RAB3C: variants seen among roughly 807,000 people sequenced by gnomAD.
RAB3C encodes the protein ras-related protein Rab-3C.
Under a neutral mutation model 26.4 loss-of-function variants are expected in RAB3C, and 17 were observed. That is an observed-to-expected ratio of 0.64 (90% confidence interval 0.44 to 0.97). RAB3C has a LOEUF of 0.97. RAB3C is among the 50% of genes least tolerant of loss of function. RAB3C has a pLI of 0.00. For missense variants in RAB3C, 242 were observed against 281.9 expected, an observed-to-expected ratio of 0.86 and a Z score of 1.01; for synonymous variants, 91 against 95.9, an observed-to-expected ratio of 0.95 and a Z score of 0.30.
chr5:58,587,167 A>G (rs7723416), intron 1 of RAB3C, among the ~76,000 whole-genome samples: 76,160 of 151,946 alleles, frequency 0.5, 19,499 homozygotes, highest in African/African-American at 0.54. Flanking sequence ...TCACTTTTGT[A>G]GTATAAGAAT....
chr5:58,639,023 G>T (rs1297832412), intron 2 of RAB3C, among the ~76,000 whole-genome samples: 1 of 152,094 alleles, frequency 6.6e-6, no homozygotes, highest in East Asian at 1.9e-4. Context: ...GTGTGGCCTG[G>T]AAGTGCAGTG....
chr5:58,594,851 CT>C (rs368470766), intron 1 of RAB3C, among the ~76,000 whole-genome samples: 1,974 of 133,148 alleles, frequency 0.015, 23 homozygotes, highest in South Asian at 0.038. Context: ...AACATGTAGG[CT>C]TTTTTTTTTT....
intron 3 of RAB3C, among the ~76,000 whole-genome samples, chr5:58,796,079 C>T (rs868333517): frequency 1.3e-5 from 2 of 152,162 alleles, no homozygotes; most frequent in African/African-American, 2.4e-5. Flanking sequence ...AACAGATGAC[C>T]TTTCCCTGTG....
In RAB3C at chr5:58,612,514, G is replaced by GTA. The variant is rs1467524083; in HGVS notation, c.25-5128_25-5127insAT. Among the ~76,000 whole-genome samples the GTA allele has an allele frequency of 6.5e-3, 352 of 54,094 alleles. 3 individuals carry two copies. Among genetic ancestry groups the GTA allele is most frequent in the African/African-American group, 0.028 (329 of 11,768 alleles). The allele number at this position is 54,094 out of a possible 152,430, so 35.5% of individuals were successfully genotyped here. On this transcript the variant is annotated intron_variant, in intron 1 of 4. Coordinates refer to ENST00000282878, the MANE Select transcript of RAB3C (RefSeq NM_138453.4). ...TGTGTGTGTGTGTGTGTGTGTGTGT[G>GTA]TGTGTGTATATATATATATATATAT...
At chr5:58,827,758 G>A (rs965069864) in intron 4 of RAB3C, among the ~76,000 whole-genome samples, 3 of 152,162 alleles carry the variant, frequency 2.0e-5, no homozygotes, top group Admixed American at 6.5e-5. Context: ...CATTTACCTC[G>A]TTTAATGTGG....
intron 1 of RAB3C, among the ~76,000 whole-genome samples, chr5:58,603,457 G>A (rs1746499059): frequency 1.3e-5 from 2 of 152,072 alleles, no homozygotes. Context: ...TTATTCTAAG[G>A]TTTGGTCATT....
At chr5:58,604,682 T>C (rs1217283145) in intron 1 of RAB3C, among the ~76,000 whole-genome samples, 5 of 152,244 alleles carry the variant, frequency 3.3e-5, no homozygotes, top group African/African-American at 9.6e-5. Flanking sequence ...CAATTCTGTT[T>C]CCAGGTGGAG....
At chr5:58,608,996 C>T (rs1196894174) in intron 1 of RAB3C, among the ~76,000 whole-genome samples, 1 of 152,002 alleles carries the variant, frequency 6.6e-6, no homozygotes, top group Non-Finnish European at 1.5e-5. Flanking sequence ...ACAATGAGAA[C>T]ACTTGGACTT....
intron 2 of RAB3C, among the ~76,000 whole-genome samples, chr5:58,623,842 G>T (rs1746993039): frequency 1.3e-5 from 2 of 152,146 alleles, no homozygotes; most frequent in Admixed American, 6.5e-5. Flanking sequence ...AGGGACTTTG[G>T]AGTCTGGTGA....
In RAB3C at chr5:58,797,353, A is replaced by ATATGTATAT. The variant is rs1274064660; in HGVS notation, c.372-27685_372-27684insTATGTATAT. Among the ~76,000 whole-genome samples, 7 of 26,018 alleles carry ATATGTATAT rather than the reference A, an allele frequency of 2.7e-4. 1 individual carries two copies. The highest frequency in any genetic ancestry group is 1.2e-3 in the African/African-American group (5 of 4,274). The allele number at this position is 26,018 out of a possible 152,430, so 17.1% of individuals were successfully genotyped here. A position where few individuals can be genotyped will look rare whatever the true frequency, so the allele number is the denominator to read the frequency against. On this transcript the variant is annotated intron_variant, in intron 3 of 4. Transcript: ENST00000282878. ...TCCCTGGAAGACAAAAAAAAAAAAA[A>ATATGTATAT]ATATGTATATATATAATATATATAT...
At chr5:58,762,723 C>T (rs1209011406) in intron 3 of RAB3C, among the ~76,000 whole-genome samples, 1 of 152,134 alleles carries the variant, frequency 6.6e-6, no homozygotes, top group Admixed American at 6.5e-5. Flanking sequence ...ATTAAATTGA[C>T]TTGCTTAATT....
At position 58,826,176 on chromosome 5, in the gene RAB3C, G is replaced by T. The variant is rs530727955; in HGVS notation, c.496+1014G>T. 4.1e-4 allele frequency among the ~76,000 whole-genome samples: 62 copies of T among 152,200 alleles called. 2 individuals carry two copies. Among genetic ancestry groups the T allele is most frequent in the Admixed American group, 3.9e-3 (59 of 15,290 alleles). ...AAAGAGCAATGCAGAGAGGGCCCCC[G>T]GGGAGATCAGGTGTGGAAATGAATA... On this transcript the variant is annotated intron_variant, in intron 4 of 4. Coordinates refer to ENST00000282878, the MANE Select transcript of RAB3C (RefSeq NM_138453.4).
intron 3 of RAB3C, among the ~76,000 whole-genome samples, chr5:58,786,839 C>G (rs1192390372): frequency 6.6e-6 from 1 of 151,822 alleles, no homozygotes; most frequent in Non-Finnish European, 1.5e-5. Flanking sequence ...GCCCCCTCAC[C>G]CCCCGCCAGC....
chr5:58,663,942 G>T (rs1426695573), intron 2 of RAB3C, among the ~76,000 whole-genome samples: 3 of 152,066 alleles, frequency 2.0e-5, no homozygotes, highest in African/African-American at 4.8e-5. Flanking sequence ...ATAGTGCTTT[G>T]CCTGTGATAG....
chr5:58,655,839 A>T (rs1308888409), intron 2 of RAB3C, among the ~76,000 whole-genome samples: 2 of 118,398 alleles, frequency 1.7e-5, no homozygotes, highest in Admixed American at 2.5e-4. Context: ...TCTGTCACCC[A>T]GGCTGGAGTG....
At chr5:58,782,892 G>C (rs1378195468) in intron 3 of RAB3C, among the ~76,000 whole-genome samples, 1 of 151,944 alleles carries the variant, frequency 6.6e-6, no homozygotes, top group African/African-American at 2.4e-5. Context: ...AAATATGAAG[G>C]CTTTTCATTT....
intron 3 of RAB3C, among the ~76,000 whole-genome samples, chr5:58,779,471 A>G (rs1742223679): frequency 6.6e-6 from 1 of 151,750 alleles, no homozygotes; most frequent in African/African-American, 2.4e-5. Context: ...TATAACTTCA[A>G]ACTCTAGGGC....
At chr5:58,811,595 T>C (rs1437938377) in intron 3 of RAB3C, among the ~76,000 whole-genome samples, 1 of 152,120 alleles carries the variant, frequency 6.6e-6, no homozygotes, top group Non-Finnish European at 1.5e-5. Context: ...GCCCTGAGAA[T>C]AATCTTTCCT....
At chr5:58,832,205 TTACAGAAGGC>T (rs1477986399) in intron 4 of RAB3C, among the ~76,000 whole-genome samples, 1 of 152,172 alleles carries the variant, frequency 6.6e-6, no homozygotes, top group Non-Finnish European at 1.5e-5. Flanking sequence ...TGCATGGATT[TTACAGAAGGC>T]TATTGGGGAT....
Sources: gnomAD v4.1 joint callset for allele counts (sites outside exome capture counted in the v4.1 genomes callset) on GRCh38, gnomAD v4.1.1 for gene constraint, MANE v1.5 for transcripts, NCBI Gene and HGNC (gene_info 2026-07-23, HGNC 2026-07-21) for gene names.